The following PNISR variants were observed in gnomAD, a reference collection of about 807,000 sequenced individuals.
PNISR encodes the protein arginine/serine-rich protein PNISR.
A neutral mutation model predicts 93.4 loss-of-function variants in PNISR; 20 were observed. That is an observed-to-expected ratio of 0.21 (90% CI 0.15 to 0.31). The LOEUF is 0.31. Among genes scored for constraint, PNISR ranks in the 10% least tolerant of loss-of-function variants. The probability of loss-of-function intolerance (pLI) is 1.00; values close to 1 mark genes in which losing one functional copy is unlikely to be tolerated. For synonymous variants in PNISR, 305 were observed against 306.5 expected (o/e 0.99, Z 0.05); for missense variants, 893 against 985.4 (o/e 0.91, Z 1.25).
intron 1 of PNISR, 113 bp from the exon 2 acceptor site, chr6:99,416,541 C>T (rs1777725348): frequency 2.5e-6 from 1 of 399,604 alleles, no homozygotes; most frequent in Admixed American, 4.4e-5. Context: ...CTTTTCCTTG[C>T]ATTAACTTTA....
At chr6:99,424,870 C>T (rs778155585) in intron 1 of PNISR, 18 of 204,592 alleles carry the variant, frequency 8.8e-5, no homozygotes, top group South Asian at 1.9e-4. Flanking sequence ...CCGCCTCCTC[C>T]GCCCCCATGA....
At chr6:99,418,967 G>A (rs943518964) in intron 1 of PNISR, among the ~76,000 whole-genome samples, 6 of 151,728 alleles carry the variant, frequency 4.0e-5, no homozygotes, top group African/African-American at 7.3e-5. Flanking sequence ...TGGCTAACAC[G>A]GTGAAACCCG....
chr6:99,402,482 A>C, intron 11 of PNISR, 58 bp downstream of exon 11: 1 of 1,247,588 alleles, frequency 8.0e-7, no homozygotes, highest in Non-Finnish European at 1.1e-6. Flanking sequence ...TAGGTTAGTT[A>C]AAAAATAAAA....
chr6:99,402,510 C>A (rs529812422), intron 11 of PNISR, 30 bp downstream of exon 11: 7 of 1,465,446 alleles, frequency 4.8e-6, no homozygotes, highest in Non-Finnish European at 6.4e-6. Flanking sequence ...CAAAACTGGA[C>A]CAAAATTAAG....
At chr6:99,411,101 T>C in intron 4 of PNISR, 137 bp from the exon 5 acceptor site, 3 of 646,002 alleles carry the variant, frequency 4.6e-6, no homozygotes, top group Non-Finnish European at 8.1e-6. Context: ...GTCAAATTCC[T>C]TTTGTTTATC....
At chr6:99,404,508 G>A (rs1775891948) in intron 9 of PNISR, 95 bp downstream of exon 9, 2 of 752,988 alleles carry the variant, frequency 2.7e-6, no homozygotes, top group Admixed American at 1.8e-5. Context: ...TCAAATATCT[G>A]GTAGAAATCC....
At chr6:99,407,250 T>G (rs1170789203) in intron 7 of PNISR, among the ~76,000 whole-genome samples, 1 of 150,802 alleles carries the variant, frequency 6.6e-6, no homozygotes, top group Non-Finnish European at 1.5e-5. Context: ...AGTCCAGGAG[T>G]TCAAGGCTAC....
chr6:99,405,592 TCTCA>T (rs1776060081), intron 8 of PNISR, among the ~76,000 whole-genome samples: 1 of 151,804 alleles, frequency 6.6e-6, no homozygotes, highest in Non-Finnish European at 1.5e-5. Context: ...CGAGACAGGG[TCTCA>T]CTCTGTCACC....
At position 99,404,533 on chromosome 6, in the gene PNISR, A is replaced by G. The variant is rs753867882; in HGVS notation, c.1102+70T>C. The G allele has an allele frequency of 7.3e-6, 6 of 817,792 alleles. No individual in the cohort carries two copies. In the African/African-American group the frequency reaches 8.4e-5, roughly 11 times the overall value. 50.7% of individuals were successfully genotyped at this position (817,792 alleles called of 1,614,324 possible). On this transcript the variant is annotated intron_variant, in intron 9 of 11. Transcript: ENST00000369239. ...GGTAGAAATCCAACAAGGACAACAA[A>G]AAAAGGCCAAAATAGTCATCAGAAC...
chr6:99,406,998 G>C (rs1402940995), intron 7 of PNISR, among the ~76,000 whole-genome samples: 1 of 141,562 alleles, frequency 7.1e-6, no homozygotes, highest in Non-Finnish European at 1.5e-5. Flanking sequence ...AAAAAATTTG[G>C]AACACCACTA....
At chr6:99,406,878 A>G (rs537333584) in intron 7 of PNISR, among the ~76,000 whole-genome samples, 9 of 152,254 alleles carry the variant, frequency 5.9e-5, no homozygotes, top group African/African-American at 1.7e-4. Context: ...CCACCTAAAT[A>G]CTACTGTGGA....
At chr6:99,403,163 G>A (rs1562230218) in intron 10 of PNISR, 1 of 152,302 alleles carries the variant, frequency 6.6e-6, no homozygotes, top group East Asian at 1.9e-4. Context: ...TTATGGTGCT[G>A]AAAATACTCC....
At position 99,409,315 on chromosome 6, in the gene PNISR, A is replaced by G. The variant is rs1176659028; in HGVS notation, c.531T>C (p.Gly177=). ...QHGAAFGPPQ[G]GFHPPYWQPG... ...GTTGCCAATAAGGAGGATGAAATCC[A>G]CCTTGCGGTGGACCAAAAGCAGCCC... The change falls in exon 6 of 12, where the codon GGT becomes GGC. Residue 177 remains glycine, a synonymous_variant. Coordinates refer to ENST00000369239, the MANE Select transcript of PNISR (RefSeq NM_032870.4). 1 of 1,613,820 alleles carries G rather than the reference A, an allele frequency of 6.2e-7. No homozygotes were observed. Among genetic ancestry groups the G allele is most frequent in the South Asian group, 1.1e-5 (1 of 91,082 alleles).
chr6:99,424,175 A>T (rs1338073193), intron 1 of PNISR, among the ~76,000 whole-genome samples: 2 of 152,214 alleles, frequency 1.3e-5, no homozygotes, highest in African/African-American at 4.8e-5. Context: ...AACTAAATGT[A>T]ATGTGATATC....
chr6:99,412,795 T>C (rs1249251497), intron 3 of PNISR, 56 bp from the exon 4 acceptor site: 2 of 1,033,544 alleles, frequency 1.9e-6, no homozygotes, highest in Non-Finnish European at 1.4e-6. Flanking sequence ...AAAAGAATAG[T>C]GCCTCTATGT....
intron 1 of PNISR, among the ~76,000 whole-genome samples, chr6:99,416,743 T>G (rs1777749899): frequency 6.6e-6 from 1 of 152,178 alleles, no homozygotes; most frequent in African/African-American, 2.4e-5. Flanking sequence ...GAAATGAAGA[T>G]CTCATCCACC....
Position 99,401,380 on chromosome 6 carries a change from A to T in PNISR, c.1578T>A (p.Ser526Arg). The T allele has an allele frequency of 6.2e-7, 1 of 1,610,960 alleles. No homozygotes were observed. The highest frequency in any genetic ancestry group is 8.5e-7 in the Non-Finnish European group (1 of 1,177,286). ...GSSSSNSRTSSTSSTVSSSSY... is the reference protein window; with the variant it reads ...GSSSSNSRTSRTSSTVSSSSY... ...AAGAGCTAGAGACAGTACTACTAGT[A>T]CTACTAGTTCTGCTATTGCTACTGG... The change falls in exon 12 of 12, where the codon AGT (serine) becomes AGA (arginine). Residue 526 changes from serine (S) to arginine (R), a missense_variant. Physicochemically the swap from Ser to Arg is moderately radical, Grantham distance 110. This residue lies in a region of PNISR where 866 missense variants were observed against 935.1 expected (regional missense o/e 0.93). Transcript: ENST00000369239.
intron 1 of PNISR, among the ~76,000 whole-genome samples, chr6:99,418,286 C>T (rs181866132): frequency 3.3e-5 from 5 of 151,686 alleles, no homozygotes; most frequent in East Asian, 2.0e-4. Flanking sequence ...TACAGCTGCT[C>T]GCCACCAAGC....
intron 1 of PNISR, among the ~76,000 whole-genome samples, chr6:99,422,218 T>C (rs1470164999): frequency 1.3e-5 from 2 of 152,168 alleles, no homozygotes; most frequent in East Asian, 1.9e-4. Flanking sequence ...GTGACAGAGA[T>C]GGATGAGAAT....
Sources: gnomAD v4.1 joint callset for allele counts (sites outside exome capture counted in the v4.1 genomes callset) on GRCh38, gnomAD v4.1.1 for gene constraint, gnomAD v4.1.1 regional missense constraint, MANE v1.5 for transcripts, NCBI Gene and HGNC (gene_info 2026-07-23, HGNC 2026-07-21) for gene names.